The following METTL14 variants were observed in gnomAD, a reference collection of about 807,000 sequenced individuals.
METTL14 encodes the protein N(6)-adenosine-methyltransferase non-catalytic subunit METTL14.
A neutral mutation model predicts 62.4 loss-of-function variants in METTL14; 32 were observed. That is an observed-to-expected ratio of 0.51 (90% CI 0.39 to 0.69). METTL14 has a LOEUF of 0.69. Ranked by LOEUF, METTL14 falls within the 30% of genes least tolerant of loss-of-function variation. METTL14 has a pLI of 0.00. For synonymous variants in METTL14, 150 were observed against 180.0 expected, an observed-to-expected ratio of 0.83 and a Z score of 1.34; for missense variants, 340 against 551.9, an observed-to-expected ratio of 0.62 and a Z score of 3.85.
At chr4:118,697,430 T>G in intron 7 of METTL14, 107 bp downstream of exon 7, 1 of 958,482 alleles carries the variant, frequency 1.0e-6, no homozygotes, top group Non-Finnish European at 1.5e-6. Flanking sequence ...TTGTAGGGAT[T>G]ATAAATGTAG....
chr4:118,705,408 A>G (rs908357229), intron 9 of METTL14, among the ~76,000 whole-genome samples: 2 of 152,166 alleles, frequency 1.3e-5, no homozygotes, highest in African/African-American at 4.8e-5. Context: ...CAGGAGGTCA[A>G]GGCTGCAGTG....
At chr4:118,693,905 T>C (rs575337972) in intron 5 of METTL14, among the ~76,000 whole-genome samples, 1 of 152,276 alleles carries the variant, frequency 6.6e-6, no homozygotes, top group East Asian at 1.9e-4. Flanking sequence ...AAGTTACTAA[T>C]ATTTGTACTT....
chr4:118,701,843 A>G (rs1724599870), intron 8 of METTL14, among the ~76,000 whole-genome samples: 1 of 152,202 alleles, frequency 6.6e-6, no homozygotes, highest in African/African-American at 2.4e-5. Flanking sequence ...CTGAAATTCT[A>G]CAATTACTGT....
At chr4:118,690,032 A>ATTTT (rs1579065564) in intron 3 of METTL14, among the ~76,000 whole-genome samples, 25 of 87,330 alleles carry the variant, frequency 2.9e-4, no homozygotes, top group East Asian at 4.8e-4. Flanking sequence ...AGGTAATAAT[A>ATTTT]TTCTTTTTTT....
intron 7 of METTL14, among the ~76,000 whole-genome samples, chr4:118,697,703 T>C (rs984209122): frequency 6.6e-6 from 1 of 152,186 alleles, no homozygotes; most frequent in Admixed American, 6.5e-5. Context: ...ACATGATTTC[T>C]ACTCTTTAAA....
intron 8 of METTL14, 47 bp from the exon 9 acceptor site, chr4:118,703,888 T>G (rs377583542): frequency 9.8e-5 from 110 of 1,125,172 alleles, no homozygotes; most frequent in Admixed American, 1.5e-4. Context: ...AAGTATTGTT[T>G]ATTTCTTTAA....
At chr4:118,709,101 A>AT (rs1313997480) in intron 10 of METTL14, among the ~76,000 whole-genome samples, 4 of 152,254 alleles carry the variant, frequency 2.6e-5, no homozygotes, top group African/African-American at 9.6e-5. Context: ...ATATATTTGA[A>AT]TTGGATGTTG....
intron 7 of METTL14, among the ~76,000 whole-genome samples, chr4:118,698,838 G>A (rs1238322534): frequency 3.3e-5 from 5 of 152,038 alleles, no homozygotes; most frequent in Non-Finnish European, 5.9e-5. Flanking sequence ...AGGCAGATCT[G>A]GTTTCAAAAT....
At chr4:118,690,930 A>G (rs577331053) in intron 3 of METTL14, among the ~76,000 whole-genome samples, 1 of 152,330 alleles carries the variant, frequency 6.6e-6, no homozygotes, top group South Asian at 2.1e-4. Flanking sequence ...GAAATAGTTG[A>G]AAGTATTATG....
chr4:118,685,445 A>G lies in METTL14; in HGVS notation c.-90A>G. The G allele has an allele frequency of 7.6e-7, 1 of 1,317,930 alleles. No individual in the cohort carries two copies. The highest frequency in any genetic ancestry group is 1.1e-6 in the Non-Finnish European group (1 of 911,308). 81.6% of individuals were successfully genotyped at this position (1,317,930 alleles called of 1,614,324 possible). On this transcript the variant is annotated 5_prime_UTR_variant, in exon 1 of 11. Coordinates refer to ENST00000388822, the MANE Select transcript of METTL14 (RefSeq NM_020961.4). ...TACTCTGTTCGTAAGCTCCCGGTGA[A>G]TTTTGTTCCACAGACTCGGAAGAAA...
intron 8 of METTL14, among the ~76,000 whole-genome samples, chr4:118,703,558 G>A (rs1248618886): frequency 2.0e-5 from 3 of 152,188 alleles, no homozygotes; most frequent in Non-Finnish European, 2.9e-5. Flanking sequence ...ATAGAATATT[G>A]AGTTGGCAGG....
At position 118,711,321 on chromosome 4, in the gene METTL14, T is replaced by A. The variant is rs1421532007; in HGVS notation, c.*1019T>A. ...TTTAAAATTATATAAGACTTTATGCTGTCACTTCTCTTGCTGTACTGTAAT... is the reference window on the plus strand; with the variant it reads ...TTTAAAATTATATAAGACTTTATGCAGTCACTTCTCTTGCTGTACTGTAAT... On this transcript the variant is annotated 3_prime_UTR_variant, in exon 11 of 11. Coordinates refer to ENST00000388822, the MANE Select transcript of METTL14 (RefSeq NM_020961.4). 1 of 152,238 alleles carries A rather than the reference T, an allele frequency of 6.6e-6. No individual in the cohort carries two copies. Among genetic ancestry groups the A allele is most frequent in the Admixed American group, 6.5e-5 (1 of 15,286 alleles). 9.4% of individuals were successfully genotyped at this position (152,238 alleles called of 1,614,324 possible). A position where few individuals can be genotyped will look rare whatever the true frequency, so the allele number is the denominator to read the frequency against.
In METTL14 at chr4:118,713,665, C is replaced by T. The variant is rs1724984995; in HGVS notation, c.*3363C>T. ...AGAACAATCCTGTAATCTTAGGGTT[C>T]ATGTGTGACTAGCATTATCCTCTCT... On this transcript the variant is annotated 3_prime_UTR_variant, in exon 11 of 11. Coordinates refer to ENST00000388822, the MANE Select transcript of METTL14 (RefSeq NM_020961.4). 1 of 152,156 alleles carries T rather than the reference C, an allele frequency of 6.6e-6. No individual in the cohort carries two copies. Among genetic ancestry groups the T allele is most frequent in the African/African-American group, 2.4e-5 (1 of 41,442 alleles). 9.4% of individuals were successfully genotyped at this position (152,156 alleles called of 1,614,324 possible).
intron 7 of METTL14, among the ~76,000 whole-genome samples, 168 bp from the exon 8 acceptor site, chr4:118,700,382 T>C (rs1320016873): frequency 1.3e-5 from 2 of 152,172 alleles, no homozygotes; most frequent in Non-Finnish European, 2.9e-5. Flanking sequence ...AACAAAACAA[T>C]AGAACGAGTA....
At chr4:118,696,571 C>G (rs1400165803) in intron 6 of METTL14, among the ~76,000 whole-genome samples, 1 of 152,030 alleles carries the variant, frequency 6.6e-6, no homozygotes, top group Non-Finnish European at 1.5e-5. Context: ...CAAACGAAAA[C>G]CCATTTACAT....
chr4:118,688,037 T>TG (rs1165615529), intron 2 of METTL14, 26 bp downstream of exon 2: 1 of 1,578,242 alleles, frequency 6.3e-7, no homozygotes. Context: ...CTTTTTTTTT[T>TG]TTTTTTTGAG....
chr4:118,686,468 C>G (rs964499889), intron 1 of METTL14: 2 of 405,872 alleles, frequency 4.9e-6, no homozygotes, highest in African/African-American at 2.1e-5. Flanking sequence ...AATTAGTCAT[C>G]TTGCAGTTAT....
At chr4:118,688,845 T>A (rs1361468536) in intron 2 of METTL14, among the ~76,000 whole-genome samples, 1 of 146,936 alleles carries the variant, frequency 6.8e-6, no homozygotes, top group Non-Finnish European at 1.6e-5. Context: ...AGCTAATTTT[T>A]GTATTTTTAG....
chr4:118,704,488 T>G (rs1197145149), intron 9 of METTL14, among the ~76,000 whole-genome samples: 3 of 152,208 alleles, frequency 2.0e-5, no homozygotes, highest in African/African-American at 7.2e-5. Flanking sequence ...AGTATCAGGC[T>G]TTAACAGTTT....
Sources: allele counts gnomAD v4.1 joint callset (sites outside exome capture counted in the v4.1 genomes callset), GRCh38; gene constraint gnomAD v4.1.1; transcripts MANE v1.5; gene names NCBI Gene and HGNC (gene_info 2026-07-23, HGNC 2026-07-21).